The following BPGM variants were observed in gnomAD, a reference collection of about 807,000 sequenced individuals.
BPGM encodes the protein bisphosphoglycerate mutase, also known as 2,3-bisphosphoglycerate mutase, erythrocyte.
Under a neutral mutation model 21.6 loss-of-function variants are expected in BPGM, and 15 were observed. The observed-to-expected ratio is 0.70, with a 90% CI of 0.47 to 1.07. The LOEUF (loss-of-function observed/expected upper bound fraction) is 1.07, where lower values mean the gene tolerates loss of function less well. Among genes scored for constraint, BPGM ranks in the 50% least tolerant of loss-of-function variants. The probability of loss-of-function intolerance (pLI) is 0.00; values close to 1 mark genes in which losing one functional copy is unlikely to be tolerated. For synonymous variants in BPGM, 113 were observed against 116.2 expected (o/e 0.97, Z 0.18); for missense variants, 273 against 319.0 (o/e 0.86, Z 1.10).
In BPGM at chr7:134,661,676, A is replaced by C; in HGVS notation, c.169A>C (p.Thr57Pro). Residue 57 changes from threonine to proline, a missense_variant, in exon 2 of 3, where the codon ACA becomes CCA. By Grantham distance (38) the Thr-to-Pro change is conservative. Transcript: ENST00000344924. The surrounding 1 kb of genome is among the most constrained non-coding windows in gnomAD (Gnocchi z 4.6). ...ALNFEFDLVF[T>P]SVLNRSIHTA... is the part of the protein sequence containing the mutation. ...AAACTTTGAGTTTGATCTTGTATTC[A>C]CATCTGTCCTTAATCGGTCCATTCA... is the stretch of plus-strand genomic sequence containing the variant. 1 of 1,614,128 alleles carries C rather than the reference A, an allele frequency of 6.2e-7. No individual in the cohort carries two copies. The highest frequency in any genetic ancestry group is 1.1e-5 in the South Asian group (1 of 91,086).
chr7:134,653,552 C>A (rs749257510), intron 1 of BPGM, among the ~76,000 whole-genome samples: 38 of 152,204 alleles, frequency 2.5e-4, no homozygotes, highest in Non-Finnish European at 3.8e-4. Flanking sequence ...TTGGCACAGG[C>A]TTTTTTTGTG....
intron 1 of BPGM, chr7:134,658,366 G>T (rs1795675301): frequency 1.3e-5 from 2 of 152,178 alleles, no homozygotes; most frequent in Non-Finnish European, 2.9e-5. Flanking sequence ...TAAGAACAGT[G>T]CTGTTGGCTC....
chr7:134,651,757 A>ATAGCTAACT (rs1277250171), intron 1 of BPGM, among the ~76,000 whole-genome samples: 1 of 152,202 alleles, frequency 6.6e-6, no homozygotes, highest in Non-Finnish European at 1.5e-5. Flanking sequence ...TCTTTGCTTT[A>ATAGCTAACT]TAGCTAACTT....
rs563524361 is a variant in BPGM at position 134,671,363 on chromosome 7, CT to C, written c.602-7474del. Among the ~76,000 whole-genome samples, 425 of 133,912 alleles carry C rather than the reference CT, an allele frequency of 3.2e-3. 1 individual carries two copies. Among genetic ancestry groups the C allele is most frequent in the African/African-American group, 7.4e-3 (262 of 35,644 alleles). 87.9% of individuals were successfully genotyped at this position (133,912 alleles called of 152,430 possible). A position where few individuals can be genotyped will look rare whatever the true frequency, so the allele number is the denominator to read the frequency against. Reference sequence around the variant, plus strand: ...AGGATTTTTAAATTAACATTTTGTTCTTTTTTTTTTTTTTTTGAGATGGAGT... The same window carrying C: ...AGGATTTTTAAATTAACATTTTGTTCTTTTTTTTTTTTTTTGAGATGGAGT... On this transcript the variant is annotated intron_variant, in intron 2 of 2. Coordinates refer to ENST00000344924, the MANE Select transcript of BPGM (RefSeq NM_001724.5).
intron 2 of BPGM, among the ~76,000 whole-genome samples, chr7:134,665,037 T>C (rs1418933298): frequency 6.6e-6 from 1 of 152,210 alleles, no homozygotes; most frequent in Non-Finnish European, 1.5e-5. Context: ...GTTGCACAAC[T>C]CTGAATATGC....
chr7:134,679,655 A>G lies in BPGM; in HGVS notation c.*624A>G, dbSNP rs1354272803. On this transcript the variant is annotated 3_prime_UTR_variant, in exon 3 of 3. Transcript: ENST00000344924. ...TAGAGACATCCTTCATTTGACATTTAGTAGAATTCCTCTTTGGCCACAAGA... is the reference window on the plus strand; with the variant it reads ...TAGAGACATCCTTCATTTGACATTTGGTAGAATTCCTCTTTGGCCACAAGA... 6.6e-6 allele frequency: 1 copy of G among 152,284 alleles called. No individual in the cohort carries two copies. The allele number at this position is 152,284 out of a possible 1,614,324, so 9.4% of individuals were successfully genotyped here.
intron 1 of BPGM, among the ~76,000 whole-genome samples, chr7:134,654,556 C>T (rs1795608847): frequency 6.6e-6 from 1 of 152,096 alleles, no homozygotes; most frequent in Admixed American, 6.6e-5. Context: ...TCAAACAGTG[C>T]CAAGTAACAT....
chr7:134,662,920 C>T (rs2131434747), intron 2 of BPGM, among the ~76,000 whole-genome samples: 1 of 152,312 alleles, frequency 6.6e-6, no homozygotes. Flanking sequence ...CGGTTTTGAG[C>T]ATCAGTGATT....
intron 2 of BPGM, among the ~76,000 whole-genome samples, chr7:134,676,019 T>C (rs1795979185): frequency 6.6e-6 from 1 of 152,230 alleles, no homozygotes; most frequent in Non-Finnish European, 1.5e-5. Flanking sequence ...GCTACTGTAT[T>C]AAAAACCCAA....
At chr7:134,668,842 A>G (rs1439667074) in intron 2 of BPGM, among the ~76,000 whole-genome samples, 1 of 152,116 alleles carries the variant, frequency 6.6e-6, no homozygotes, top group Non-Finnish European at 1.5e-5. Context: ...TGTGTATTGT[A>G]TGATTCCATT....
intron 2 of BPGM, among the ~76,000 whole-genome samples, chr7:134,663,585 T>C (rs1487386905): frequency 1.3e-5 from 2 of 152,194 alleles, no homozygotes; most frequent in Non-Finnish European, 2.9e-5. Context: ...CAAACTGAAA[T>C]TCAGAATTTC....
intron 2 of BPGM, among the ~76,000 whole-genome samples, chr7:134,677,744 AAAG>A (rs72018402): frequency 0.13 from 20,273 of 152,144 alleles, 1,479 homozygotes; most frequent in Middle Eastern, 0.2. Flanking sequence ...TGTGATTAAT[AAAG>A]GAGTGTTTTT....
chr7:134,678,811 GTTGTGTTTT>G (rs765263430), intron 2 of BPGM, 33 bp from the exon 3 acceptor site: 19 of 1,567,126 alleles, frequency 1.2e-5, no homozygotes, highest in Middle Eastern at 1.7e-4. Context: ...TTCCTCCTGA[GTTGTGTTTT>G]AACACCTGGT....
chr7:134,673,736 A>G (rs1472469987), intron 2 of BPGM, among the ~76,000 whole-genome samples: 1 of 152,158 alleles, frequency 6.6e-6, no homozygotes, highest in East Asian at 1.9e-4. Flanking sequence ...GCATTCATAT[A>G]AACATTCTTC....
Position 134,661,436 on chromosome 7 carries a change from T to C in BPGM, c.-61-11T>C, listed in dbSNP as rs952155535. The C allele has an allele frequency of 7.5e-6, 12 of 1,601,962 alleles. No homozygotes were observed. In the African/African-American group the frequency reaches 1.5e-4, roughly 20 times the overall value. On this transcript the variant is annotated splice_polypyrimidine_tract_variant and intron_variant, in intron 1 of 2. Coordinates refer to ENST00000344924, the MANE Select transcript of BPGM (RefSeq NM_001724.5). The surrounding 1 kb of genome is among the most constrained non-coding windows in gnomAD (Gnocchi z 4.6). ...GAATATAACTTAGACTTGTTGTTCT[T>C]GTCTTTCTAGATGTATTGCTGTCCT... is the stretch of plus-strand genomic sequence containing the variant.
At chr7:134,669,712 A>G (rs762695125) in intron 2 of BPGM, among the ~76,000 whole-genome samples, 10 of 152,224 alleles carry the variant, frequency 6.6e-5, no homozygotes, top group Non-Finnish European at 1.2e-4. Flanking sequence ...CTCATAAATC[A>G]TATATGCTTT....
chr7:134,674,128 G>C (rs1277156353), intron 2 of BPGM, among the ~76,000 whole-genome samples: 2 of 151,978 alleles, frequency 1.3e-5, no homozygotes, highest in African/African-American at 4.8e-5. Flanking sequence ...GCCCAGGCTG[G>C]TCTTGAACTC....
intron 1 of BPGM, among the ~76,000 whole-genome samples, chr7:134,648,135 T>TTTTTG (rs1302750148): frequency 6.7e-6 from 1 of 149,064 alleles, no homozygotes; most frequent in Admixed American, 6.7e-5. Context: ...TGTTTTGGTT[T>TTTTTG]TTTTTTTGTT....
chr7:134,672,315 A>G (rs1323210093), intron 2 of BPGM, among the ~76,000 whole-genome samples: 5 of 151,960 alleles, frequency 3.3e-5, no homozygotes, highest in Non-Finnish European at 5.9e-5. Context: ...CTTAAAGGCA[A>G]TGGTGGACCC....
Sources: gnomAD v4.1 joint callset for allele counts (sites outside exome capture counted in the v4.1 genomes callset) on GRCh38, gnomAD v4.1.1 for gene constraint, Gnocchi (gnomAD v3.1) non-coding constraint, MANE v1.5 for transcripts, NCBI Gene and HGNC (gene_info 2026-07-23, HGNC 2026-07-21) for gene names.